Variants in CIBAR1 observed in about 807,000 individuals in gnomAD.
CIBAR1 encodes the protein CBY1 interacting BAR domain containing 1, also known as CBY1-interacting BAR domain-containing protein 1.
In CIBAR1, 25 loss-of-function variants were observed where a neutral mutation model predicts 44.0. The ratio of observed to expected loss-of-function variants is 0.57; its 90% confidence interval spans 0.41 to 0.79. The LOEUF (loss-of-function observed/expected upper bound fraction) is 0.79, where lower values mean the gene tolerates loss of function less well. CIBAR1 is among the 30% of genes least tolerant of loss of function. The probability of loss-of-function intolerance (pLI) is 0.00; values close to 1 mark genes in which losing one functional copy is unlikely to be tolerated. For missense variants in CIBAR1, 278 were observed against 344.8 expected (o/e 0.81, Z 1.53); for synonymous variants, 115 against 119.0 (o/e 0.97, Z 0.22).
intron 6 of CIBAR1, among the ~76,000 whole-genome samples, chr8:93,713,880 A>G (rs956471449): frequency 1.2e-4 from 18 of 152,168 alleles, no homozygotes; most frequent in African/African-American, 4.3e-4. Flanking sequence ...GCTTTATGGT[A>G]TGTTTTTAAA....
chr8:93,730,998 AAAT>A lies in CIBAR1; in HGVS notation c.*2707_*2709del, dbSNP rs929175233. 1 of 152,176 alleles carries A rather than the reference AAAT, an allele frequency of 6.6e-6. No individual in the cohort carries two copies. Among genetic ancestry groups the A allele is most frequent in the Non-Finnish European group, 1.5e-5 (1 of 68,040 alleles). 9.4% of individuals were successfully genotyped at this position (152,176 alleles called of 1,614,324 possible). ...CAACACAGTGAGACTCTGTCTCTAC[AAAT>A]AATAAAAAATTTAGCCAGACAAGGT... is the stretch of plus-strand genomic sequence containing the variant. On this transcript the variant is annotated 3_prime_UTR_variant, in exon 9 of 9. Coordinates refer to ENST00000518322, the MANE Select transcript of CIBAR1 (RefSeq NM_145269.5).
At chr8:93,707,124 T>C in intron 4 of CIBAR1, 1 of 269,770 alleles carries the variant, frequency 3.7e-6, no homozygotes, top group Non-Finnish European at 7.4e-6. Context: ...CCATTTAATA[T>C]ACTGATATCT....
chr8:93,706,797 G>A (rs747834091), intron 4 of CIBAR1, among the ~76,000 whole-genome samples: 3 of 152,096 alleles, frequency 2.0e-5, no homozygotes, highest in South Asian at 4.1e-4. Context: ...GACAACCTGA[G>A]ACCAAAACAT....
chr8:93,711,173 T>C (rs1446293385), intron 6 of CIBAR1, among the ~76,000 whole-genome samples: 1 of 152,220 alleles, frequency 6.6e-6, no homozygotes, highest in African/African-American at 2.4e-5. Flanking sequence ...TTGGAAACAC[T>C]TGAAGGACCT....
chr8:93,713,049 T>TTC (rs1810894498), intron 6 of CIBAR1, among the ~76,000 whole-genome samples: 2 of 148,798 alleles, frequency 1.3e-5, no homozygotes, highest in Non-Finnish European at 3.0e-5. Flanking sequence ...TTTTTTTTTT[T>TTC]CGAGACAGAT....
At chr8:93,711,010 CAG>C (rs1426410088) in intron 6 of CIBAR1, among the ~76,000 whole-genome samples, 2 of 152,024 alleles carry the variant, frequency 1.3e-5, no homozygotes, top group Non-Finnish European at 2.9e-5. Flanking sequence ...AATAAGTAAA[CAG>C]GGTAATAGTA....
intron 6 of CIBAR1, 122 bp downstream of exon 6, chr8:93,709,997 A>G (rs1810758155): frequency 7.2e-6 from 5 of 697,518 alleles, no homozygotes; most frequent in Non-Finnish European, 1.2e-5. Flanking sequence ...AATATGATAA[A>G]TAAGGGGGCG....
chr8:93,729,825 CAAA>C lies in CIBAR1; in HGVS notation c.*1532_*1534del, dbSNP rs373122031. On this transcript the variant is annotated 3_prime_UTR_variant, in exon 9 of 9. Coordinates refer to ENST00000518322, the MANE Select transcript of CIBAR1 (RefSeq NM_145269.5). The stretch of plus-strand genomic sequence containing the variant: ...TTCCTAGCTTCCACTACAACAACAA[CAAA>C]AAACAGGCAACCAATCCAACCAACC... The C allele has an allele frequency of 6.6e-6, 1 of 152,104 alleles. No individual in the cohort carries two copies. The highest frequency in any genetic ancestry group is 1.5e-5 in the Non-Finnish European group (1 of 68,002). 9.4% of individuals were successfully genotyped at this position (152,104 alleles called of 1,614,324 possible).
chr8:93,718,874 T>A, intron 7 of CIBAR1, 86 bp downstream of exon 7: 6 of 845,838 alleles, frequency 7.1e-6, no homozygotes, highest in Non-Finnish European at 1.0e-5. Flanking sequence ...AATATCTTTT[T>A]TTTTTTTGAG....
At chr8:93,715,115 A>G (rs1810990653) in intron 6 of CIBAR1, among the ~76,000 whole-genome samples, 1 of 152,236 alleles carries the variant, frequency 6.6e-6, no homozygotes, top group African/African-American at 2.4e-5. Context: ...ACAGCAAGGT[A>G]ATACATTTTT....
At position 93,701,433 on chromosome 8, in the gene CIBAR1, A is replaced by T; in HGVS notation, c.236A>T (p.Lys79Ile). ...ATGAACTTTGCAGATGAGTTTGCCAAACTTCAGGATTATCGACAAGCAGAG... is the reference window on the plus strand; with the variant it reads ...ATGAACTTTGCAGATGAGTTTGCCATACTTCAGGATTATCGACAAGCAGAG... Reference protein sequence around the residue: ...GLMNFADEFAKLQDYRQAEVE... With the variant: ...GLMNFADEFAILQDYRQAEVE... Residue 79 changes from lysine (K) to isoleucine (I), a missense_variant, in exon 2 of 9, where the codon AAA (lysine) becomes ATA (isoleucine). Lys to Ile is a moderately radical substitution (Grantham distance 102, BLOSUM62 -3). This residue lies in a region of CIBAR1 where 183 missense variants were observed against 218.6 expected (regional missense o/e 0.84). Transcript: ENST00000518322. The T allele has an allele frequency of 3.1e-6, 5 of 1,613,614 alleles. No individual in the cohort carries two copies. Among genetic ancestry groups the T allele is most frequent in the Non-Finnish European group, 4.2e-6 (5 of 1,179,806 alleles).
intron 8 of CIBAR1, among the ~76,000 whole-genome samples, chr8:93,727,729 A>G (rs866750065): frequency 2.6e-5 from 4 of 152,222 alleles, no homozygotes; most frequent in Non-Finnish European, 2.9e-5. Context: ...GTTTTAAGCA[A>G]TATGCCCCAC....
chr8:93,727,229 A>C (rs1483528843), intron 8 of CIBAR1: 2 of 1,260,236 alleles, frequency 1.6e-6, no homozygotes, highest in Non-Finnish European at 2.1e-6. Flanking sequence ...ACTTATTTTC[A>C]AGATACAACT....
At position 93,707,961 on chromosome 8, in the gene CIBAR1, G is replaced by C. The variant is rs758505763; in HGVS notation, c.433-50G>C. The C allele has an allele frequency of 3.0e-6, 4 of 1,322,078 alleles. No homozygotes were observed. In the East Asian group the frequency reaches 1.0e-4, roughly 33 times the overall value. 81.9% of individuals were successfully genotyped at this position (1,322,078 alleles called of 1,614,324 possible). On this transcript the variant is annotated intron_variant, in intron 4 of 8. Transcript: ENST00000518322. The stretch of plus-strand genomic sequence containing the variant: ...ATGAGTATATAAATTTATTGAAAAA[G>C]CTGTTATACTCTCTTTGAAATGTAT...
chr8:93,709,876 G>C lies in CIBAR1; in HGVS notation c.543+1G>C. The C allele has an allele frequency of 6.3e-7, 1 of 1,595,010 alleles. No homozygotes were observed. On this transcript the variant is annotated splice_donor_variant, in intron 6 of 8. Transcript: ENST00000518322. LOFTEE classifies it high-confidence loss of function. ...AAGGCAGAAAATGAAGGATATAAAG[G>C]TAATAAAGTAACTGTTAGGGTTCAA...
intron 6 of CIBAR1, 72 bp downstream of exon 6, chr8:93,709,947 T>C: frequency 8.4e-7 from 1 of 1,195,774 alleles, no homozygotes; most frequent in Non-Finnish European, 1.2e-6. Flanking sequence ...AAATTTAAAT[T>C]ACTCTAAATT....
At chr8:93,705,275 A>G (rs1810535609) in intron 4 of CIBAR1, 1 of 408,570 alleles carries the variant, frequency 2.4e-6, no homozygotes, top group Non-Finnish European at 4.3e-6. Flanking sequence ...AGTAAATTCA[A>G]ATTTCTGAAT....
intron 7 of CIBAR1, among the ~76,000 whole-genome samples, chr8:93,723,261 G>A (rs1811341139): frequency 6.6e-6 from 1 of 152,214 alleles, no homozygotes; most frequent in African/African-American, 2.4e-5. Context: ...CTCCCAAAGT[G>A]CTGGGACTGC....
At chr8:93,711,452 G>T (rs888676227) in intron 6 of CIBAR1, among the ~76,000 whole-genome samples, 4 of 151,936 alleles carry the variant, frequency 2.6e-5, no homozygotes, top group African/African-American at 9.7e-5. Flanking sequence ...GCTCAATTTA[G>T]TCACAGGCTC....
Sources: gnomAD v4.1 joint callset for allele counts (sites outside exome capture counted in the v4.1 genomes callset) on GRCh38, gnomAD v4.1.1 for gene constraint, gnomAD v4.1.1 regional missense constraint, MANE v1.5 for transcripts, NCBI Gene and HGNC (gene_info 2026-07-23, HGNC 2026-07-21) for gene names.